Variants in CDH26 observed in about 807,000 individuals in gnomAD.
The protein encoded by CDH26 is cadherin-like protein 26.
In CDH26, 83 loss-of-function variants were observed where a neutral mutation model predicts 90.3. That is an observed-to-expected ratio of 0.92 (90% CI 0.77 to 1.10). The LOEUF is 1.10. Among genes scored for constraint, CDH26 ranks in the 50% least tolerant of loss-of-function variants. CDH26 has a pLI of 0.00. For missense variants in CDH26, 1,013 were observed against 1,037.6 expected, an observed-to-expected ratio of 0.98 and a Z score of 0.33; for synonymous variants, 397 against 396.3, an observed-to-expected ratio of 1.00 and a Z score of -0.02.
Position 59,987,555 on chromosome 20 carries a change from A to G in CDH26, c.940A>G (p.Asn314Asp). The G allele has an allele frequency of 6.2e-7, 1 of 1,614,082 alleles. No homozygotes were observed. The highest frequency in any genetic ancestry group is 8.5e-7 in the Non-Finnish European group (1 of 1,179,948). ...TACATCAGCTTGGAGAGCAAAATTC[A>G]ACATATTGCATGGCAATGAAGAGGG... ...PFTSAWRAKF[N>D]ILHGNEEGHF... Residue 314 changes from asparagine to aspartate, a missense_variant, in exon 8 of 18, where the codon AAC becomes GAC. Physicochemically the swap from Asn to Asp is conservative, Grantham distance 23. Transcript: ENST00000348616.
downstream of CDH26, among the ~76,000 whole-genome samples, chr20:60,017,179 A>C (rs895155566): frequency 6.6e-6 from 1 of 152,068 alleles, no homozygotes; most frequent in Non-Finnish European, 1.5e-5. Context: ...TTGTCTGAGA[A>C]AAGTTGGTAT....
At chr20:60,000,251 TAGAA>T (rs2061658941) in intron 14 of CDH26, among the ~76,000 whole-genome samples, 1 of 152,140 alleles carries the variant, frequency 6.6e-6, no homozygotes, top group South Asian at 2.1e-4. Context: ...GAAACAGAAT[TAGAA>T]AGGGAATAAT....
rs1272209884 is a variant in CDH26 at position 60,028,203 on chromosome 20, TCTC to T, written c.948-3024_948-3022del. Among the ~76,000 whole-genome samples, 3 of 152,284 alleles carry T rather than the reference TCTC, an allele frequency of 2.0e-5. No individual in the cohort carries two copies. In the East Asian group the frequency reaches 5.8e-4, roughly 29 times the overall value. On this transcript the variant is annotated intron_variant, in intron 7 of 8. Coordinates refer to the CDH26 transcript ENST00000370991. The stretch of plus-strand genomic sequence containing the variant: ...GCTGCTCCAGTATAACCACACCTGT[TCTC>T]CTCTTCCCACTCACTCTTGCAACCA...
At chr20:59,967,815 TTCTTTCTTTCTTTC>T (rs1315571707) in intron 1 of CDH26, among the ~76,000 whole-genome samples, 49 of 19,896 alleles carry the variant, frequency 2.5e-3, no homozygotes, top group Middle Eastern at 0.019. Flanking sequence ...CCTCCCTCAT[TTCTTTCTTTCTTTC>T]TTTCTTTCTT....
At chr20:60,032,009 C>A (rs529451158) in intron 8 of CDH26, among the ~76,000 whole-genome samples, 5 of 152,310 alleles carry the variant, frequency 3.3e-5, no homozygotes, top group Admixed American at 6.5e-5. Flanking sequence ...AAAAGCCAAA[C>A]AGCCTAAGAA....
Position 59,992,518 on chromosome 20 carries a change from A to G in CDH26, c.1424A>G (p.Asp475Gly). 6.2e-7 allele frequency: 1 copy of G among 1,613,694 alleles called. No individual in the cohort carries two copies. The highest frequency in any genetic ancestry group is 8.5e-7 in the Non-Finnish European group (1 of 1,179,882). Residue 475 changes from aspartate to glycine, a missense_variant and splice_region_variant, in exon 10 of 18, where the codon GAT becomes GGT. Physicochemically the swap from Asp to Gly is moderately conservative, Grantham distance 94 (BLOSUM62 -1). Transcript: ENST00000348616. The surrounding 1 kb of genome is among the most constrained non-coding windows in gnomAD (Gnocchi z 5.0). ...FYVIIIHAVD[D>G]GFPPQTATGT... ...GTAATCATCATTCACGCTGTTGATG[A>G]TGGTGAGTGTTTACCCAAAATTGGA... is the stretch of plus-strand genomic sequence containing the variant.
Position 59,995,860 on chromosome 20 carries a change from G to A in CDH26, c.1694G>A (p.Arg565Lys). The A allele has an allele frequency of 6.2e-7, 1 of 1,614,228 alleles. No individual in the cohort carries two copies. The highest frequency in any genetic ancestry group is 1.1e-5 in the South Asian group (1 of 91,086). The change falls in exon 12 of 18, where the codon AGA becomes AAA. Residue 565 changes from arginine (R) to lysine (K), a missense_variant. By Grantham distance (26) the Arg-to-Lys change is conservative. Coordinates refer to ENST00000348616, the MANE Select transcript of CDH26 (RefSeq NM_177980.4). Reference sequence around the variant, plus strand: ...CAATCAGTTGAACTTTTAACCTTGAGAAGCCTGCCACGTGGTAATTACTTG... The same window carrying A: ...CAATCAGTTGAACTTTTAACCTTGAAAAGCCTGCCACGTGGTAATTACTTG... ...WGQSVELLTL[R>K]SLPRGNYLVP...
chr20:60,009,592 G>C (rs2061803051), intron 17 of CDH26, among the ~76,000 whole-genome samples: 1 of 152,144 alleles, frequency 6.6e-6, no homozygotes, highest in African/African-American at 2.4e-5. Flanking sequence ...TTATTCAATG[G>C]AAGCTCGAAG....
Position 59,996,025 on chromosome 20 carries a change from C to A in CDH26, c.1859C>A (p.Pro620His), listed in dbSNP as rs2061592098. The A allele has an allele frequency of 6.2e-7, 1 of 1,613,628 alleles. No individual in the cohort carries two copies. The highest frequency in any genetic ancestry group is 1.1e-5 in the South Asian group (1 of 91,064). Residue 620 changes from proline to histidine, a missense_variant, in exon 12 of 18, where the codon CCT becomes CAT. Coordinates refer to ENST00000348616, the MANE Select transcript of CDH26 (RefSeq NM_177980.4). ...GGGCTTCATGTGGGGGCCCTGTTCC[C>A]TGTCTGTGCAGCATTTGTGGCTCTG... Reference protein sequence around the residue: ...EVGLHVGALFPVCAAFVALAV... With the variant: ...EVGLHVGALFHVCAAFVALAV...
Position 60,023,373 on chromosome 20 carries a change from C to T in CDH26, c.948-7858C>T, listed in dbSNP as rs184245268. ...AGAAGTGAGCTACAAGTAGCAGAAC[C>T]GAAGCACGTGGCCTTGGCTTAATGG... On this transcript the variant is annotated intron_variant, in intron 7 of 8. Transcript: ENST00000370991. Among the ~76,000 whole-genome samples the T allele has an allele frequency of 1.4e-4, 21 of 152,282 alleles. No individual in the cohort carries two copies. In the South Asian group the frequency reaches 2.1e-3, roughly 15 times the overall value.
At chr20:59,990,625 G>A (rs2061516379) in intron 9 of CDH26, among the ~76,000 whole-genome samples, 1 of 152,192 alleles carries the variant, frequency 6.6e-6, no homozygotes, top group Admixed American at 6.5e-5. Flanking sequence ...AAATTTTCAT[G>A]CACTAGGTGG....
At chr20:59,976,948 G>A (rs1261365251) in intron 4 of CDH26, among the ~76,000 whole-genome samples, 1 of 152,130 alleles carries the variant, frequency 6.6e-6, no homozygotes, top group Non-Finnish European at 1.5e-5. Flanking sequence ...CCCTGGGAGG[G>A]CCACCGACCC....
intron 1 of CDH26, among the ~76,000 whole-genome samples, chr20:59,962,549 C>T (rs2061089775): frequency 6.6e-6 from 1 of 152,206 alleles, no homozygotes; most frequent in South Asian, 2.1e-4. Context: ...TTAGGGCCCA[C>T]TCTAACCCAG....
intron 7 of CDH26, among the ~76,000 whole-genome samples, chr20:60,027,733 G>A (rs1402751526): frequency 6.6e-6 from 1 of 152,212 alleles, no homozygotes; most frequent in African/African-American, 2.4e-5. Context: ...GTGCTGCCCA[G>A]CACAGCAGCC....
intron 4 of CDH26, among the ~76,000 whole-genome samples, chr20:59,982,233 C>T (rs1048369034): frequency 4.6e-5 from 7 of 152,094 alleles, no homozygotes; most frequent in African/African-American, 1.7e-4. Flanking sequence ...CATGCGATTA[C>T]GTTGGTTACT....
At chr20:60,022,583 G>A (rs1378749910) in intron 7 of CDH26, among the ~76,000 whole-genome samples, 1 of 152,198 alleles carries the variant, frequency 6.6e-6, no homozygotes, top group Non-Finnish European at 1.5e-5. Context: ...AGTAGGCATA[G>A]CAACGGTCCC....
intron 4 of CDH26, 28 bp from the exon 5 acceptor site, chr20:59,982,895 A>G: frequency 6.2e-7 from 1 of 1,608,950 alleles, no homozygotes; most frequent in Non-Finnish European, 8.5e-7. Context: ...ATGGTTCTGC[A>G]GGATTTTTAC....
At chr20:60,024,474 T>A (rs1447387289) in intron 7 of CDH26, among the ~76,000 whole-genome samples, 2 of 152,246 alleles carry the variant, frequency 1.3e-5, no homozygotes, top group East Asian at 3.8e-4. Context: ...TTCTTACTCA[T>A]CTCCCTTATG....
At chr20:59,997,838 G>A (rs958453101) in intron 13 of CDH26, among the ~76,000 whole-genome samples, 1 of 152,246 alleles carries the variant, frequency 6.6e-6, no homozygotes, top group Non-Finnish European at 1.5e-5. Flanking sequence ...TGTAATTAGA[G>A]AGTTTCTCAA....
Sources: gnomAD v4.1 joint callset for allele counts (sites outside exome capture counted in the v4.1 genomes callset) on GRCh38, gnomAD v4.1.1 for gene constraint, Gnocchi (gnomAD v3.1) non-coding constraint, MANE v1.5 for transcripts, NCBI Gene and HGNC (gene_info 2026-07-23, HGNC 2026-07-21) for gene names.